Variants in CSMD1 observed in about 807,000 individuals in gnomAD.
CSMD1 encodes the protein CUB and Sushi multiple domains 1, also known as CUB and sushi domain-containing protein 1.
Under a neutral mutation model 417.5 loss-of-function variants are expected in CSMD1, and 213 were observed. That is an observed-to-expected ratio of 0.51 (90% CI 0.46 to 0.57). The LOEUF (loss-of-function observed/expected upper bound fraction) is 0.57, where lower values mean the gene tolerates loss of function less well. Among genes scored for constraint, CSMD1 ranks in the 20% least tolerant of loss-of-function variants. The probability of loss-of-function intolerance (pLI) is 0.00; values close to 1 mark genes in which losing one functional copy is unlikely to be tolerated. For synonymous variants in CSMD1, 2,862 were observed against 1,736.8 expected, an observed-to-expected ratio of 1.65 and a Z score of -16.11; for missense variants, 6,923 against 4,529.7, an observed-to-expected ratio of 1.53 and a Z score of -15.17.
At chr8:4,562,590 T>C (rs1216263152) in intron 2 of CSMD1, among the ~76,000 whole-genome samples, 1 of 152,052 alleles carries the variant, frequency 6.6e-6, no homozygotes, top group East Asian at 1.9e-4. Flanking sequence ...ACTACTGAAA[T>C]AATATCTTTA....
At chr8:4,888,821 G>T (rs756267094) in intron 1 of CSMD1, among the ~76,000 whole-genome samples, 2 of 152,038 alleles carry the variant, frequency 1.3e-5, no homozygotes, top group African/African-American at 2.4e-5. Context: ...AACTTGAAGA[G>T]ACTTCCAATA....
chr8:3,348,350 C>G (rs1808155559), intron 21 of CSMD1, among the ~76,000 whole-genome samples, 189 bp from the exon 22 acceptor site: 2 of 152,080 alleles, frequency 1.3e-5, no homozygotes, highest in African/African-American at 4.8e-5. Flanking sequence ...AGATACCCCA[C>G]CTAGCTCATT....
intron 3 of CSMD1, among the ~76,000 whole-genome samples, chr8:4,080,026 A>G (rs1362736391): frequency 1.3e-5 from 2 of 151,706 alleles, no homozygotes; most frequent in Admixed American, 6.6e-5. Context: ...TCTAGATATC[A>G]AAAGGGTGGT....
At chr8:3,080,978 C>G (rs960213407) in intron 49 of CSMD1, among the ~76,000 whole-genome samples, 1 of 152,120 alleles carries the variant, frequency 6.6e-6, no homozygotes, top group African/African-American at 2.4e-5. Flanking sequence ...AAAGCCAATT[C>G]TAAATAATCT....
chr8:4,469,924 G>A (rs913355024), intron 2 of CSMD1, among the ~76,000 whole-genome samples: 1 of 151,400 alleles, frequency 6.6e-6, no homozygotes, highest in Non-Finnish European at 1.5e-5. Context: ...CTGGAGTGCA[G>A]TGGTGTGATC....
chr8:3,359,105 G>C (rs777576704), intron 21 of CSMD1, 47 bp downstream of exon 21: 3 of 1,589,862 alleles, frequency 1.9e-6, no homozygotes, highest in African/African-American at 1.3e-5. Flanking sequence ...GCCTGGGCTA[G>C]ACCCTGCCCC....
intron 10 of CSMD1, among the ~76,000 whole-genome samples, chr8:3,511,227 T>C (rs1169872318): frequency 6.6e-6 from 1 of 151,506 alleles, no homozygotes. Context: ...CCAGGGCCTG[T>C]TGGGGGGTGA....
intron 3 of CSMD1, among the ~76,000 whole-genome samples, chr8:4,252,228 C>T (rs563296828): frequency 1.6e-4 from 25 of 152,240 alleles, no homozygotes; most frequent in African/African-American, 4.8e-4. Flanking sequence ...CAGGCATAGA[C>T]GTTTTCCTTT....
chr8:3,559,330 T>A (rs11136641), intron 10 of CSMD1, among the ~76,000 whole-genome samples: 34 of 152,214 alleles, frequency 2.2e-4, no homozygotes, highest in African/African-American at 6.5e-4. Context: ...TTTCAAAGAC[T>A]AGGCATGGTC....
rs533296311 is a variant in CSMD1, at chr8:3,856,253, C to A, written c.819-102211G>T. Among the ~76,000 whole-genome samples the A allele has an allele frequency of 2.1e-4, 32 of 152,210 alleles. No homozygotes were observed. In the South Asian group the frequency reaches 6.6e-3, roughly 32 times the overall value. ...TGTAGCACCTGCTCTCTCTCTTCTT[C>A]CTACTTGGCCCATGTAAGACACACC... On this transcript the variant is annotated intron_variant, in intron 5 of 69. Transcript: ENST00000635120.
At chr8:4,692,007 T>C (rs1806798285) in intron 1 of CSMD1, among the ~76,000 whole-genome samples, 1 of 152,202 alleles carries the variant, frequency 6.6e-6, no homozygotes, top group South Asian at 2.1e-4. Context: ...CAGTGCCCTC[T>C]TGTACAGCAG....
chr8:4,246,681 C>A (rs1401746919), intron 3 of CSMD1, among the ~76,000 whole-genome samples: 1 of 152,076 alleles, frequency 6.6e-6, no homozygotes, highest in Non-Finnish European at 1.5e-5. Context: ...CAACTTAACC[C>A]ATTTTTCCTT....
chr8:4,392,632 T>C (rs1025840340), intron 3 of CSMD1, among the ~76,000 whole-genome samples: 1 of 151,480 alleles, frequency 6.6e-6, no homozygotes, highest in African/African-American at 2.4e-5. Context: ...GAGCAGGGGT[T>C]TTTTGGGGGG....
chr8:3,205,757 T>C (rs1345689377), intron 30 of CSMD1, 137 bp from the exon 31 acceptor site: 9 of 486,164 alleles, frequency 1.9e-5, no homozygotes, highest in Admixed American at 4.2e-5. Context: ...AATCTTGTTT[T>C]GCATTGCTAT....
chr8:4,867,007 A>C (rs900144986), intron 1 of CSMD1, among the ~76,000 whole-genome samples: 1 of 151,990 alleles, frequency 6.6e-6, no homozygotes, highest in Non-Finnish European at 1.5e-5. Context: ...ATTACTACTC[A>C]ATTCTCGGCA....
At chr8:3,211,027 AG>A (rs1797573588) in intron 30 of CSMD1, among the ~76,000 whole-genome samples, 1 of 152,166 alleles carries the variant, frequency 6.6e-6, no homozygotes, top group African/African-American at 2.4e-5. Context: ...AAAGAAAATT[AG>A]AATTTTTACC....
chr8:4,896,654 T>C (rs1261041937), intron 1 of CSMD1, among the ~76,000 whole-genome samples: 7 of 152,150 alleles, frequency 4.6e-5, no homozygotes, highest in Non-Finnish European at 1.0e-4. Context: ...TATTTAAATA[T>C]TGGAAATTTT....
At chr8:3,595,389 T>C (rs1801043355) in intron 8 of CSMD1, among the ~76,000 whole-genome samples, 1 of 152,220 alleles carries the variant, frequency 6.6e-6, no homozygotes, top group Admixed American at 6.5e-5. Flanking sequence ...GTGTCTTTTC[T>C]GGGTCATTTT....
chr8:3,646,177 CA>C (rs1441790147), intron 7 of CSMD1, among the ~76,000 whole-genome samples: 12 of 151,400 alleles, frequency 7.9e-5, no homozygotes, highest in African/African-American at 2.9e-4. Flanking sequence ...AAAAGGTGAA[CA>C]AAAATAGTGA....
Sources: allele counts gnomAD v4.1 joint callset (sites outside exome capture counted in the v4.1 genomes callset), GRCh38; gene constraint gnomAD v4.1.1; transcripts MANE v1.5; gene names NCBI Gene and HGNC (gene_info 2026-07-23, HGNC 2026-07-21).